Variants in DLG2 observed in about 807,000 individuals in gnomAD.
DLG2 encodes disks large homolog 2.
In DLG2, 45 loss-of-function variants were observed where a neutral mutation model predicts 132.5. The ratio of observed to expected loss-of-function variants is 0.34; its 90% CI spans 0.27 to 0.44. The LOEUF is 0.44. Ranked by LOEUF, DLG2 falls within the 20% of genes least tolerant of loss-of-function variation. The pLI, the probability that DLG2 is intolerant of heterozygous loss-of-function variation, is 1.00. For synonymous variants in DLG2, 424 were observed against 419.6 expected, an observed-to-expected ratio of 1.01 and a Z score of -0.13; for missense variants, 1,045 against 1,196.9, an observed-to-expected ratio of 0.87 and a Z score of 1.87.
intron 17 of DLG2, among the ~76,000 whole-genome samples, chr11:83,820,943 C>T (rs1451118153): frequency 2.6e-5 from 4 of 152,164 alleles, no homozygotes; most frequent in African/African-American, 9.6e-5. Flanking sequence ...AAAAAAGAAT[C>T]TTCTGAGAAT....
chr11:84,195,012 G>A (rs2096489066), intron 8 of DLG2, among the ~76,000 whole-genome samples: 1 of 152,216 alleles, frequency 6.6e-6, no homozygotes, highest in African/African-American at 2.4e-5. Flanking sequence ...TCCTGCCTCG[G>A]CCAGCCCAGA....
chr11:84,677,073 T>C (rs1315469055), intron 6 of DLG2, among the ~76,000 whole-genome samples: 1 of 151,922 alleles, frequency 6.6e-6, no homozygotes, highest in South Asian at 2.1e-4. Flanking sequence ...CAGACATCCA[T>C]TGAAAGAGAT....
At chr11:84,684,598 A>T (rs2099736412) in intron 6 of DLG2, among the ~76,000 whole-genome samples, 1 of 152,142 alleles carries the variant, frequency 6.6e-6, no homozygotes, top group Non-Finnish European at 1.5e-5. Flanking sequence ...TCTGGTTTCA[A>T]ATCCCAACTG....
At chr11:84,704,758 A>C (rs1050319150) in intron 6 of DLG2, among the ~76,000 whole-genome samples, 3 of 151,208 alleles carry the variant, frequency 2.0e-5, no homozygotes. Flanking sequence ...TGTTACTTTC[A>C]CAAAGCACTG....
At chr11:85,583,087 G>GATGT (rs2078673749) in intron 3 of DLG2, among the ~76,000 whole-genome samples, 1 of 51,196 alleles carries the variant, frequency 2.0e-5, no homozygotes, top group Non-Finnish European at 3.8e-5. Flanking sequence ...TAATATATGT[G>GATGT]ATGTGTGTGT....
intron 8 of DLG2, among the ~76,000 whole-genome samples, chr11:84,201,517 A>T (rs2096592817): frequency 6.6e-6 from 1 of 151,330 alleles, no homozygotes; most frequent in Non-Finnish European, 1.5e-5. Flanking sequence ...TTTCAGTAGA[A>T]ATCGTATCAG....
chr11:85,205,144 G>GTATA (rs1425550552), intron 4 of DLG2, among the ~76,000 whole-genome samples: 24 of 142,854 alleles, frequency 1.7e-4, no homozygotes, highest in South Asian at 2.2e-4. Flanking sequence ...ATATATGTGT[G>GTATA]TGTATATATA....
chr11:84,728,388 A>G (rs2062750987), intron 6 of DLG2, among the ~76,000 whole-genome samples: 1 of 152,134 alleles, frequency 6.6e-6, no homozygotes. Flanking sequence ...GTGATGGATT[A>G]TGTTTATTGA....
intron 6 of DLG2, among the ~76,000 whole-genome samples, chr11:84,921,605 T>C (rs2092759337): frequency 6.6e-6 from 1 of 152,208 alleles, no homozygotes; most frequent in Non-Finnish European, 1.5e-5. Context: ...TAAGTTTTCC[T>C]GCACTTCCAA....
At chr11:85,039,956 T>A (rs2061714916) in intron 6 of DLG2, among the ~76,000 whole-genome samples, 1 of 151,904 alleles carries the variant, frequency 6.6e-6, no homozygotes. Context: ...GTGAATTCTC[T>A]CCTTTGGAAG....
chr11:83,775,818 C>G (rs528179410), intron 18 of DLG2, among the ~76,000 whole-genome samples: 37 of 151,814 alleles, frequency 2.4e-4, no homozygotes, highest in African/African-American at 8.5e-4. Context: ...AATAGCCGGG[C>G]GCAGTGGCTC....
chr11:83,590,615 G>T (rs2097171134), intron 19 of DLG2, among the ~76,000 whole-genome samples: 1 of 151,974 alleles, frequency 6.6e-6, no homozygotes, highest in Non-Finnish European at 1.5e-5. Flanking sequence ...TCAAAAGCTA[G>T]CAGAAGGCAA....
intron 6 of DLG2, among the ~76,000 whole-genome samples, chr11:85,092,020 A>G (rs1440889412): frequency 6.6e-6 from 1 of 152,220 alleles, no homozygotes; most frequent in Non-Finnish European, 1.5e-5. Flanking sequence ...AGGAATTACA[A>G]TCTATGGCAG....
At chr11:84,462,147 T>A (rs2099082060) in intron 7 of DLG2, among the ~76,000 whole-genome samples, 1 of 150,892 alleles carries the variant, frequency 6.6e-6, no homozygotes, top group African/African-American at 2.4e-5. Flanking sequence ...CTATAATTTA[T>A]AATTAATAAT....
intron 6 of DLG2, among the ~76,000 whole-genome samples, chr11:85,049,936 T>G (rs1247779770): frequency 6.6e-6 from 1 of 152,098 alleles, no homozygotes; most frequent in East Asian, 1.9e-4. Context: ...TCATTCCCTT[T>G]CCAATAATTT....
intron 10 of DLG2, among the ~76,000 whole-genome samples, chr11:84,091,835 T>C (rs2097098252): frequency 6.6e-6 from 1 of 152,204 alleles, no homozygotes; most frequent in African/African-American, 2.4e-5. Context: ...TAAGCTCATG[T>C]AGCAATCTGC....
At chr11:84,607,267 AG>A (rs2099587501) in intron 6 of DLG2, among the ~76,000 whole-genome samples, 1 of 152,156 alleles carries the variant, frequency 6.6e-6, no homozygotes, top group South Asian at 2.1e-4. Flanking sequence ...CTCTTAAACA[AG>A]GTATTCTCTC....
chr11:83,472,420 A>G (rs1360259627), intron 23 of DLG2, among the ~76,000 whole-genome samples: 1 of 152,156 alleles, frequency 6.6e-6, no homozygotes, highest in Non-Finnish European at 1.5e-5. Context: ...GAATTTATTC[A>G]CCAGTCTCGT....
intron 19 of DLG2, among the ~76,000 whole-genome samples, chr11:83,586,529 T>A (rs967373082): frequency 6.6e-6 from 1 of 152,198 alleles, no homozygotes; most frequent in Non-Finnish European, 1.5e-5. Flanking sequence ...CGTATTAGGT[T>A]CTTTAAAACT....
Sources: gnomAD v4.1 joint callset for allele counts (sites outside exome capture counted in the v4.1 genomes callset) on GRCh38, gnomAD v4.1.1 for gene constraint, MANE v1.5 for transcripts, NCBI Gene and HGNC (gene_info 2026-07-23, HGNC 2026-07-21) for gene names.